Variants in DEPDC5 observed in about 807,000 individuals in gnomAD.
The protein encoded by DEPDC5 is GATOR1 complex protein DEPDC5.
A neutral mutation model predicts 217.3 loss-of-function variants in DEPDC5; 73 were observed. That is an observed-to-expected ratio of 0.34 (90% CI 0.28 to 0.41). The LOEUF (loss-of-function observed/expected upper bound fraction) is 0.41, where lower values mean the gene tolerates loss of function less well. DEPDC5 is among the 10% of genes least tolerant of loss of function. The probability of loss-of-function intolerance (pLI) is 1.00; values close to 1 mark genes in which losing one functional copy is unlikely to be tolerated. For synonymous variants in DEPDC5, 733 were observed against 756.7 expected, an observed-to-expected ratio of 0.97 and a Z score of 0.51; for missense variants, 1,675 against 2,070.1, an observed-to-expected ratio of 0.81 and a Z score of 3.70.
chr22:31,825,470 T>A (rs2090067145), intron 24 of DEPDC5, among the ~76,000 whole-genome samples: 1 of 152,168 alleles, frequency 6.6e-6, no homozygotes, highest in Admixed American at 6.5e-5. Flanking sequence ...TTCTGAGCTG[T>A]AGGTGTGTCC....
At position 31,790,785 on chromosome 22, in the gene DEPDC5, C is replaced by T. The variant is rs955084670; in HGVS notation, c.625-1248C>T. The stretch of plus-strand genomic sequence containing the variant: ...TTTTTGAGACGGAGTCTCGCTCCGT[C>T]GCCCAGGCTGGAGTGCAATGGCACA... On this transcript the variant is annotated intron_variant, in intron 10 of 42. Transcript: ENST00000651528. Among the ~76,000 whole-genome samples the T allele has an allele frequency of 4.9e-5, 7 of 142,114 alleles. No individual in the cohort carries two copies. The South Asian group carries it at 6.6e-4, about 13-fold the overall frequency. 93.2% of individuals were successfully genotyped at this position (142,114 alleles called of 152,430 possible). A position where few individuals can be genotyped will look rare whatever the true frequency, so the allele number is the denominator to read the frequency against.
intron 2 of DEPDC5, chr22:31,755,353 T>C (rs575525327): frequency 2.7e-5 from 7 of 261,738 alleles, no homozygotes; most frequent in African/African-American, 8.9e-5. Flanking sequence ...TAGATGTGCA[T>C]AGAGCAGGTA....
At chr22:31,796,835 T>G (rs1349312477) in intron 12 of DEPDC5, among the ~76,000 whole-genome samples, 1 of 151,846 alleles carries the variant, frequency 6.6e-6, no homozygotes, top group African/African-American at 2.4e-5. Context: ...TAGCTGGGAT[T>G]ACAGGTGCCT....
intron 18 of DEPDC5, among the ~76,000 whole-genome samples, chr22:31,809,154 C>T (rs1242206364): frequency 6.6e-6 from 1 of 152,034 alleles, no homozygotes; most frequent in Non-Finnish European, 1.5e-5. Context: ...TACCCTTGTA[C>T]TTCATTTCAG....
intron 21 of DEPDC5, among the ~76,000 whole-genome samples, chr22:31,818,157 C>G (rs960960968): frequency 1.3e-5 from 2 of 152,170 alleles, no homozygotes; most frequent in Non-Finnish European, 2.9e-5. Flanking sequence ...CATGCTGTCT[C>G]TGTCTCCATA....
chr22:31,828,587 C>A (rs1236962752), intron 24 of DEPDC5, among the ~76,000 whole-genome samples: 1 of 151,496 alleles, frequency 6.6e-6, no homozygotes, highest in Non-Finnish European at 1.5e-5. Context: ...TTTCTTATAA[C>A]CTTCTTAAAC....
At chr22:31,802,286 G>C (rs2086956465) in intron 14 of DEPDC5, among the ~76,000 whole-genome samples, 1 of 151,858 alleles carries the variant, frequency 6.6e-6, no homozygotes, top group Non-Finnish European at 1.5e-5. Context: ...ACATCACCAT[G>C]CCTGGCTAAT....
intron 3 of DEPDC5, among the ~76,000 whole-genome samples, chr22:31,758,838 TA>T (rs942819039): frequency 3.3e-5 from 5 of 149,770 alleles, no homozygotes; most frequent in East Asian, 3.9e-4. Context: ...GACCCTGTCT[TA>T]AAAAAAAATG....
intron 8 of DEPDC5, among the ~76,000 whole-genome samples, 184 bp from the exon 9 acceptor site, chr22:31,783,723 T>TA (rs2084696324): frequency 6.6e-6 from 1 of 152,162 alleles, no homozygotes; most frequent in East Asian, 1.9e-4. Flanking sequence ...ATCATTGCTT[T>TA]AAAAAAAATT....
At chr22:31,790,107 T>G (rs1320073383) in intron 10 of DEPDC5, among the ~76,000 whole-genome samples, 2 of 152,208 alleles carry the variant, frequency 1.3e-5, no homozygotes, top group East Asian at 1.9e-4. Flanking sequence ...TTGGAGCTCT[T>G]GGACTCCCGT....
chr22:31,777,985 TA>T, intron 7 of DEPDC5, 113 bp from the exon 8 acceptor site: 1 of 1,138,010 alleles, frequency 8.8e-7, no homozygotes, highest in Non-Finnish European at 1.3e-6. Flanking sequence ...TGACCTCAGG[TA>T]ATTCGCCCGC....
At chr22:31,854,772 G>C (rs2092203427) in intron 31 of DEPDC5, among the ~76,000 whole-genome samples, 1 of 152,074 alleles carries the variant, frequency 6.6e-6, no homozygotes, top group African/African-American at 2.4e-5. Context: ...GGGCACAGAA[G>C]AACATGTTAT....
chr22:31,822,807 G>A lies in DEPDC5; in HGVS notation c.2104+17G>A. The A allele has an allele frequency of 6.2e-7, 1 of 1,611,852 alleles. No individual in the cohort carries two copies. Among genetic ancestry groups the A allele is most frequent in the East Asian group, 2.2e-5 (1 of 44,854 alleles). ...GTGGTGCAGGTAACCAATCCAAGAGGTAATAGAGTTGGGATGTTTAGATCA... is the reference window on the plus strand; with the variant it reads ...GTGGTGCAGGTAACCAATCCAAGAGATAATAGAGTTGGGATGTTTAGATCA... On this transcript the variant is annotated intron_variant, in intron 24 of 42. Coordinates refer to ENST00000651528, the MANE Select transcript of DEPDC5 (RefSeq NM_001242896.3).
intron 20 of DEPDC5, among the ~76,000 whole-genome samples, chr22:31,812,036 T>C (rs546325566): frequency 7.2e-5 from 11 of 152,060 alleles, no homozygotes; most frequent in Non-Finnish European, 1.5e-4. Flanking sequence ...TCTCCTAGGC[T>C]GGAGTGCAGT....
chr22:31,781,234 CAAA>C (rs1288893852), intron 8 of DEPDC5, among the ~76,000 whole-genome samples: 4 of 126,868 alleles, frequency 3.2e-5, no homozygotes, highest in African/African-American at 8.9e-5. Context: ...AACAAACAAA[CAAA>C]AAAAAAAAAA....
At chr22:31,830,341 C>G (rs2090492736) in intron 24 of DEPDC5, among the ~76,000 whole-genome samples, 1 of 152,262 alleles carries the variant, frequency 6.6e-6, no homozygotes. Context: ...TGGCTTTGAA[C>G]TTTGAGTGTG....
At chr22:31,887,419 CAAAAAA>C (rs567430576) in intron 38 of DEPDC5, among the ~76,000 whole-genome samples, 3 of 65,680 alleles carry the variant, frequency 4.6e-5, no homozygotes, top group Admixed American at 1.8e-4. Context: ...AACTCTGTCT[CAAAAAA>C]AAAAAAAAAA....
At position 31,906,341 on chromosome 22, in the gene DEPDC5, C is replaced by T. The variant is rs1379841195; in HGVS notation, c.4656C>T (p.Thr1552=). The T allele has an allele frequency of 6.2e-7, 1 of 1,613,948 alleles. No homozygotes were observed. The highest frequency in any genetic ancestry group is 1.3e-5 in the African/African-American group (1 of 74,956). Residue 1552 remains threonine (T), a synonymous_variant, in exon 43 of 43, where the codon ACC becomes ACT. Coordinates refer to ENST00000651528, the MANE Select transcript of DEPDC5 (RefSeq NM_001242896.3). This position sits in a 1 kb window ranked among gnomAD's most constrained non-coding sequence, Gnocchi z 5.1. ...TCGGCTACAACTGGGCCTACAACACCATGCTCACCAAAACATGGCGCTCCA... is the reference window on the plus strand; with the variant it reads ...TCGGCTACAACTGGGCCTACAACACTATGCTCACCAAAACATGGCGCTCCA... ...ERVGYNWAYN[T]MLTKTWRSSA...
chr22:31,765,749 G>T (rs1004380687), intron 5 of DEPDC5, among the ~76,000 whole-genome samples: 2 of 152,142 alleles, frequency 1.3e-5, no homozygotes, highest in African/African-American at 4.8e-5. Context: ...TAGACCATGG[G>T]TGGTGGCCCA....
Sources: allele counts gnomAD v4.1 joint callset (sites outside exome capture counted in the v4.1 genomes callset), GRCh38; gene constraint gnomAD v4.1.1; non-coding constraint Gnocchi (gnomAD v3.1); transcripts MANE v1.5; gene names NCBI Gene and HGNC (gene_info 2026-07-23, HGNC 2026-07-21).